KLC1: variants seen among roughly 807,000 people sequenced by gnomAD.
KLC1 encodes kinesin light chain 1, also known as kinesin 2 60/70kDa.
In KLC1, 30 loss-of-function variants were observed where a neutral mutation model predicts 84.2. That is an observed-to-expected ratio of 0.36 (90% confidence interval 0.27 to 0.48). KLC1 has a LOEUF of 0.48. KLC1 is among the 20% of genes least tolerant of loss of function. The pLI is 0.99. For missense variants in KLC1, 499 were observed against 805.4 expected (o/e 0.62, Z 4.60); for synonymous variants, 289 against 293.3 (o/e 0.99, Z 0.15).
chr14:103,667,301 AG>A (rs2058902155), intron 5 of KLC1, among the ~76,000 whole-genome samples: 1 of 150,858 alleles, frequency 6.6e-6, no homozygotes, highest in Non-Finnish European at 1.5e-5. Context: ...TAGTAGAGAC[AG>A]GGTCTTGCTA....
chr14:103,636,913 T>C (rs145428713), intron 1 of KLC1, among the ~76,000 whole-genome samples: 1 of 151,028 alleles, frequency 6.6e-6, no homozygotes, highest in African/African-American at 2.4e-5. Flanking sequence ...TGTATTTTTA[T>C]TAGATATGGG....
At position 103,687,065 on chromosome 14, in the gene KLC1, T is replaced by C; in HGVS notation, c.1651-16T>C. The C allele has an allele frequency of 1.3e-6, 2 of 1,516,510 alleles. No individual in the cohort carries two copies. Among genetic ancestry groups the C allele is most frequent in the African/African-American group, 1.4e-5 (1 of 72,552 alleles). The allele number at this position is 1,516,510 out of a possible 1,614,324, so 93.9% of individuals were successfully genotyped here. A position where few individuals can be genotyped will look rare whatever the true frequency, so the allele number is the denominator to read the frequency against. On this transcript the variant is annotated splice_polypyrimidine_tract_variant and intron_variant, in intron 13 of 16. Coordinates refer to ENST00000334553, the MANE Select transcript of KLC1 (RefSeq NM_001394837.1). ...AGAACCACCTGCAGCTTCACGTTTG[T>C]TCACGTTTTTTTCAGGATGGCACTG...
chr14:103,679,638 G>C (rs1260789508), intron 13 of KLC1, 93 bp downstream of exon 13: 1 of 890,198 alleles, frequency 1.1e-6, no homozygotes, highest in Non-Finnish European at 1.8e-6. Context: ...TAGACCTTCT[G>C]CTTTTCTCAA....
In KLC1 at chr14:103,635,665, A is replaced by C. The variant is rs2076991983; in HGVS notation, c.-2+6171A>C. 2.6e-5 allele frequency among the ~76,000 whole-genome samples: 4 copies of C among 152,100 alleles called. 1 individual carries two copies. The South Asian group carries it at 8.3e-4, about 32-fold the overall frequency. ...GGTATTTGGGAAGCTGAGGTAGGAGAATCACTTGAACCCGGGAGGCGGAGG... is the reference window on the plus strand; with the variant it reads ...GGTATTTGGGAAGCTGAGGTAGGAGCATCACTTGAACCCGGGAGGCGGAGG... On this transcript the variant is annotated intron_variant, in intron 1 of 16. Coordinates refer to ENST00000334553, the MANE Select transcript of KLC1 (RefSeq NM_001394837.1).
At chr14:103,642,360 G>A (rs1158525813) in intron 1 of KLC1, among the ~76,000 whole-genome samples, 2 of 152,108 alleles carry the variant, frequency 1.3e-5, no homozygotes, top group Admixed American at 6.6e-5. Context: ...ATTGGGGTGG[G>A]GGGCACACAT....
chr14:103,698,863 AG>A (rs770137120), intron 15 of KLC1: 4 of 1,606,990 alleles, frequency 2.5e-6, no homozygotes, highest in South Asian at 1.1e-5. Context: ...GAACAGGAGG[AG>A]GGGGGCAGGT....
intron 15 of KLC1, chr14:103,699,441 T>G (rs2151909353): frequency 3.7e-6 from 6 of 1,612,858 alleles, no homozygotes; most frequent in Non-Finnish European, 5.1e-6. Flanking sequence ...TGCAGATGCC[T>G]GGCCCTGGGG....
chr14:103,693,820 G>A lies in KLC1; in HGVS notation c.1848+1395G>A. 1.4e-6 allele frequency: 2 copies of A among 1,396,290 alleles called. No homozygotes were observed. The highest frequency in any genetic ancestry group is 1.6e-5 in the South Asian group (1 of 62,374). 86.5% of individuals were successfully genotyped at this position (1,396,290 alleles called of 1,614,324 possible). A position where few individuals can be genotyped will look rare whatever the true frequency, so the allele number is the denominator to read the frequency against. On this transcript the variant is annotated intron_variant, in intron 15 of 16. Transcript: ENST00000334553. The surrounding 1 kb of genome is among the most constrained non-coding windows in gnomAD (Gnocchi z 5.1). The stretch of plus-strand genomic sequence containing the variant: ...TTCTGTTACTCGGCCTGCAGCCCCA[G>A]TGCCAGGAGCCACCCCGACCGCGAC...
chr14:103,639,476 T>A (rs1047185351), intron 1 of KLC1, among the ~76,000 whole-genome samples: 9 of 152,228 alleles, frequency 5.9e-5, no homozygotes, highest in African/African-American at 2.2e-4. Context: ...AGGGTTTCGC[T>A]GTGTCACCTA....
intron 5 of KLC1, among the ~76,000 whole-genome samples, chr14:103,666,615 G>A (rs950537261): frequency 1.8e-4 from 24 of 135,994 alleles, no homozygotes; most frequent in Non-Finnish European, 2.0e-4. Context: ...TTTTTTTTCT[G>A]AAACGAAGTC....
intron 1 of KLC1, among the ~76,000 whole-genome samples, chr14:103,630,891 G>A (rs924873576): frequency 6.6e-6 from 1 of 152,144 alleles, no homozygotes; most frequent in Non-Finnish European, 1.5e-5. Context: ...GGCACTGAGT[G>A]CTGTGGAGGA....
intron 5 of KLC1, 29 bp downstream of exon 5, chr14:103,662,956 T>A (rs2079407659): frequency 2.0e-6 from 3 of 1,479,600 alleles, no homozygotes; most frequent in Non-Finnish European, 2.8e-6. Context: ...CCTACTGAAT[T>A]TTACCTAGAG....
chr14:103,669,073 C>T lies in KLC1; in HGVS notation c.798-438C>T, dbSNP rs577068679. 8.8e-4 allele frequency among the ~76,000 whole-genome samples: 134 copies of T among 152,170 alleles called. 1 individual carries two copies. Among genetic ancestry groups the T allele is most frequent in the Admixed American group, 2.3e-3 (35 of 15,278 alleles). On this transcript the variant is annotated intron_variant, in intron 5 of 16. Coordinates refer to ENST00000334553, the MANE Select transcript of KLC1 (RefSeq NM_001394837.1). Reference sequence around the variant, plus strand: ...GATTACAGGCATGAGCCACTGCACCCGGCCCTGTGGTTTTTCTTAAATAGT... The same window carrying T: ...GATTACAGGCATGAGCCACTGCACCTGGCCCTGTGGTTTTTCTTAAATAGT...
intron 12 of KLC1, among the ~76,000 whole-genome samples, chr14:103,678,188 A>T (rs1408903866): frequency 6.6e-6 from 1 of 151,978 alleles, no homozygotes; most frequent in Non-Finnish European, 1.5e-5. Context: ...GCTTGAACTC[A>T]GGAGGCAGAG....
At chr14:103,698,404 G>A (rs2082756830) in intron 15 of KLC1, 2 of 295,660 alleles carry the variant, frequency 6.8e-6, no homozygotes, top group South Asian at 6.4e-5. Flanking sequence ...GGGGGTCTGA[G>A]GCCCCAGCCC....
Position 103,687,125 on chromosome 14 carries a change from C to G in KLC1, c.1695C>G (p.Leu565=), listed in dbSNP as rs1428020097. 3 of 1,547,030 alleles carry G rather than the reference C, an allele frequency of 1.9e-6. No individual in the cohort carries two copies. Among genetic ancestry groups the G allele is most frequent in the Non-Finnish European group, 2.6e-6 (3 of 1,143,538 alleles). The part of the protein sequence containing the change: ...SLKRSGSFSK[L]RASIRRSSEK... ...AACGCAGTGGTTCCTTTAGCAAACTCCGGGCTTCCATTAGACGCAGCAGTG... is the reference window on the plus strand; with the variant it reads ...AACGCAGTGGTTCCTTTAGCAAACTGCGGGCTTCCATTAGACGCAGCAGTG... The change falls in exon 14 of 17, where the codon CTC becomes CTG. Residue 565 remains leucine, a synonymous_variant. Coordinates refer to ENST00000334553, the MANE Select transcript of KLC1 (RefSeq NM_001394837.1).
At chr14:103,671,215 AAT>A (rs2080359937) in intron 7 of KLC1, among the ~76,000 whole-genome samples, 1 of 152,198 alleles carries the variant, frequency 6.6e-6, no homozygotes, top group Non-Finnish European at 1.5e-5. Flanking sequence ...AGATTAAGTC[AAT>A]GTCATATATA....
intron 1 of KLC1, among the ~76,000 whole-genome samples, chr14:103,632,419 CAAAA>C (rs2076754160): frequency 6.6e-6 from 1 of 150,918 alleles, no homozygotes; most frequent in Admixed American, 6.6e-5. Flanking sequence ...TCAAAACAAA[CAAAA>C]AGAGCCGCTG....
chr14:103,699,039 A>AGCTG, intron 15 of KLC1: 1 of 1,571,696 alleles, frequency 6.4e-7, no homozygotes, highest in Non-Finnish European at 8.6e-7. Flanking sequence ...GAAGCAGGCA[A>AGCTG]GCTGGCGCTC....
Sources: allele counts gnomAD v4.1 joint callset (sites outside exome capture counted in the v4.1 genomes callset), GRCh38; gene constraint gnomAD v4.1.1; non-coding constraint Gnocchi (gnomAD v3.1); transcripts MANE v1.5; gene names NCBI Gene and HGNC (gene_info 2026-07-23, HGNC 2026-07-21).